ZMYND8: variants seen among roughly 807,000 people sequenced by gnomAD.
The protein encoded by ZMYND8 is MYND-type zinc finger-containing chromatin reader ZMYND8.
ZMYND8 carries 37 observed loss-of-function variants against 140.8 expected under a neutral mutation model. That is an observed-to-expected ratio of 0.26 (90% confidence interval 0.20 to 0.35). The LOEUF (loss-of-function observed/expected upper bound fraction) is 0.35, where lower values mean the gene tolerates loss of function less well. Among genes scored for constraint, ZMYND8 ranks in the 10% least tolerant of loss-of-function variants. The probability of loss-of-function intolerance (pLI) is 1.00; values close to 1 mark genes in which losing one functional copy is unlikely to be tolerated. For synonymous variants in ZMYND8, 592 were observed against 597.1 expected, an observed-to-expected ratio of 0.99 and a Z score of 0.12; for missense variants, 1,068 against 1,570.0, an observed-to-expected ratio of 0.68 and a Z score of 5.40.
chr20:47,336,546 G>T (rs767154736), intron 2 of ZMYND8, among the ~76,000 whole-genome samples: 5 of 152,146 alleles, frequency 3.3e-5, no homozygotes, highest in Non-Finnish European at 5.9e-5. Context: ...TTCAACCCGC[G>T]GAGTACATCA....
In ZMYND8 at chr20:47,247,314, G is replaced by A. The variant is rs187046585; in HGVS notation, c.1775-797C>T. Among the ~76,000 whole-genome samples, 42 of 152,256 alleles carry A rather than the reference G, an allele frequency of 2.8e-4. No homozygotes were observed. In the South Asian group the frequency reaches 3.7e-3, roughly 14 times the overall value. ...AAAGCCACTGGCTCCTCTAGGCGGGGGACACACTTGTCTCCAGGTGACCCG... is the reference window on the plus strand; with the variant it reads ...AAAGCCACTGGCTCCTCTAGGCGGGAGACACACTTGTCTCCAGGTGACCCG... On this transcript the variant is annotated intron_variant, in intron 13 of 22. Coordinates refer to ENST00000471951, the MANE Select transcript of ZMYND8 (RefSeq NM_001281775.3).
intron 2 of ZMYND8, among the ~76,000 whole-genome samples, chr20:47,310,614 C>T (rs2078848038): frequency 6.6e-6 from 1 of 151,752 alleles, no homozygotes; most frequent in Non-Finnish European, 1.5e-5. Context: ...TGGCCAATAC[C>T]GTCTCTACTA....
intron 2 of ZMYND8, among the ~76,000 whole-genome samples, chr20:47,337,484 C>T (rs1489200592): frequency 6.6e-6 from 1 of 152,140 alleles, no homozygotes; most frequent in Non-Finnish European, 1.5e-5. Context: ...CTGGGCAACA[C>T]GGCAATAACC....
chr20:47,317,301 T>C (rs2079483437), intron 2 of ZMYND8, among the ~76,000 whole-genome samples: 1 of 152,172 alleles, frequency 6.6e-6, no homozygotes, highest in African/African-American at 2.4e-5. Context: ...CATCAGTCCC[T>C]GAAATAGGCT....
intron 11 of ZMYND8, among the ~76,000 whole-genome samples, chr20:47,274,307 G>A (rs1397912289): frequency 2.6e-5 from 4 of 152,104 alleles, no homozygotes; most frequent in Admixed American, 6.5e-5. Flanking sequence ...TTAAACACAC[G>A]AGCCTATACA....
At chr20:47,286,921 G>A (rs991306130) in intron 8 of ZMYND8, among the ~76,000 whole-genome samples, 2 of 152,198 alleles carry the variant, frequency 1.3e-5, no homozygotes, top group Admixed American at 1.3e-4. Context: ...TGGGGCCAAG[G>A]TCAGAAATTA....
chr20:47,331,421 T>C (rs947479060), intron 2 of ZMYND8, among the ~76,000 whole-genome samples: 2 of 152,060 alleles, frequency 1.3e-5, no homozygotes, highest in African/African-American at 4.8e-5. Context: ...GGGGTGAAGA[T>C]GTAAAATCTC....
chr20:47,303,751 C>CA (rs2078263230), intron 3 of ZMYND8, among the ~76,000 whole-genome samples: 1 of 152,122 alleles, frequency 6.6e-6, no homozygotes, highest in African/African-American at 2.4e-5. Context: ...CCCTAACCAG[C>CA]AACTCAAATC....
At chr20:47,332,520 G>C (rs2081043038) in intron 2 of ZMYND8, among the ~76,000 whole-genome samples, 1 of 151,986 alleles carries the variant, frequency 6.6e-6, no homozygotes, top group Non-Finnish European at 1.5e-5. Flanking sequence ...GACCAGCCTG[G>C]GCAACATAGC....
intron 1 of ZMYND8, chr20:47,356,323 A>C (rs1270280642): frequency 1.5e-6 from 2 of 1,371,488 alleles, no homozygotes; most frequent in Non-Finnish European, 1.9e-6. Context: ...AGAGAGAGGG[A>C]AGAGGGAAAG....
At chr20:47,328,253 A>G (rs1209805426) in intron 2 of ZMYND8, among the ~76,000 whole-genome samples, 5 of 152,188 alleles carry the variant, frequency 3.3e-5, no homozygotes, top group Admixed American at 1.3e-4. Context: ...GTTCAACCCC[A>G]TTATAGGTAT....
At chr20:47,214,722 T>A (rs573900036) in intron 21 of ZMYND8, among the ~76,000 whole-genome samples, 1 of 152,162 alleles carries the variant, frequency 6.6e-6, no homozygotes, top group Non-Finnish European at 1.5e-5. Flanking sequence ...CTTGAACTCC[T>A]GACCTCAAAT....
At chr20:47,283,745 A>T (rs1190408009) in intron 8 of ZMYND8, 97 bp from the exon 9 acceptor site, 20 of 1,246,254 alleles carry the variant, frequency 1.6e-5, no homozygotes, top group Non-Finnish European at 2.3e-5. Flanking sequence ...AAGATGTTTT[A>T]AAGTCCCATA....
intron 13 of ZMYND8, among the ~76,000 whole-genome samples, chr20:47,247,424 G>A (rs912171194): frequency 6.6e-6 from 1 of 152,224 alleles, no homozygotes; most frequent in East Asian, 1.9e-4. Context: ...TGGTAAAGGA[G>A]TCAAGAGAGA....
chr20:47,232,117 T>C (rs1339169435), intron 16 of ZMYND8, among the ~76,000 whole-genome samples: 1 of 152,090 alleles, frequency 6.6e-6, no homozygotes, highest in African/African-American at 2.4e-5. Flanking sequence ...ACGCCTATAA[T>C]CCCAGCACTT....
At chr20:47,272,500 G>A (rs1200680033) in intron 11 of ZMYND8, among the ~76,000 whole-genome samples, 4 of 152,084 alleles carry the variant, frequency 2.6e-5, no homozygotes, top group African/African-American at 7.2e-5. Context: ...AACTTACATC[G>A]AGATCGCGCA....
chr20:47,337,208 C>A (rs923459608), intron 2 of ZMYND8, among the ~76,000 whole-genome samples: 8 of 151,932 alleles, frequency 5.3e-5, no homozygotes, highest in African/African-American at 1.7e-4. Context: ...AAAAATTAGC[C>A]GGGCGTGGTG....
intron 19 of ZMYND8, among the ~76,000 whole-genome samples, chr20:47,223,910 T>C (rs2037345538): frequency 6.6e-6 from 1 of 152,066 alleles, no homozygotes; most frequent in Non-Finnish European, 1.5e-5. Flanking sequence ...TGTTCTATGT[T>C]GGAAAGGGTG....
chr20:47,295,430 C>T (rs1220592527), intron 4 of ZMYND8, among the ~76,000 whole-genome samples: 1 of 152,056 alleles, frequency 6.6e-6, no homozygotes, highest in South Asian at 2.1e-4. Flanking sequence ...GTAAAGGCCA[C>T]GGATGATTTC....
Sources: allele counts gnomAD v4.1 joint callset (sites outside exome capture counted in the v4.1 genomes callset), GRCh38; gene constraint gnomAD v4.1.1; transcripts MANE v1.5; gene names NCBI Gene and HGNC (gene_info 2026-07-23, HGNC 2026-07-21).